CSMD1: variants seen among roughly 807,000 people sequenced by gnomAD.
CSMD1 encodes CUB and Sushi multiple domains 1, also known as CUB and sushi domain-containing protein 1.
In CSMD1, 213 loss-of-function variants were observed where a neutral mutation model predicts 417.5. The observed-to-expected ratio is 0.51, with a 90% CI of 0.46 to 0.57. The LOEUF (loss-of-function observed/expected upper bound fraction) is 0.57, where lower values mean the gene tolerates loss of function less well. CSMD1 is among the 20% of genes least tolerant of loss of function. CSMD1 has a pLI of 0.00. For synonymous variants in CSMD1, 2,862 were observed against 1,736.8 expected (o/e 1.65, Z -16.11); for missense variants, 6,923 against 4,529.7 (o/e 1.53, Z -15.17).
intron 7 of CSMD1, among the ~76,000 whole-genome samples, chr8:3,675,581 C>T (rs1054977049): frequency 4.0e-5 from 6 of 151,896 alleles, no homozygotes; most frequent in South Asian, 2.1e-4. Context: ...CATGCAGACA[C>T]GAGGGTTGAT....
chr8:4,447,163 T>G (rs565814747), intron 2 of CSMD1, among the ~76,000 whole-genome samples: 261 of 152,308 alleles, frequency 1.7e-3, no homozygotes, highest in African/African-American at 6.1e-3. Flanking sequence ...TTTAATAAAT[T>G]ATTGATCCCA....
intron 11 of CSMD1, among the ~76,000 whole-genome samples, chr8:3,478,891 G>T (rs1209529295): frequency 2.0e-5 from 3 of 152,150 alleles, no homozygotes; most frequent in Non-Finnish European, 2.9e-5. Flanking sequence ...GTCCCAGTAG[G>T]TGTGAGACTG....
At position 4,123,115 on chromosome 8, in the gene CSMD1, C is replaced by A. The variant is rs574904329; in HGVS notation, c.416-91016G>T. ...ATTGGAAAACAGAAAAATGATCCATCAGTACACAAAATAGGAAGATGAAGA... is the reference window on the plus strand; with the variant it reads ...ATTGGAAAACAGAAAAATGATCCATAAGTACACAAAATAGGAAGATGAAGA... On this transcript the variant is annotated intron_variant, in intron 3 of 69. Coordinates refer to ENST00000635120, the MANE Select transcript of CSMD1 (RefSeq NM_033225.6). Among the ~76,000 whole-genome samples, 23 of 152,306 alleles carry A rather than the reference C, an allele frequency of 1.5e-4. No homozygotes were observed. In the South Asian group the frequency reaches 4.4e-3, roughly 29 times the overall value.
chr8:3,246,331 T>G (rs1269028562), intron 26 of CSMD1, among the ~76,000 whole-genome samples: 3 of 152,158 alleles, frequency 2.0e-5, no homozygotes, highest in African/African-American at 7.2e-5. Flanking sequence ...AATGCTCCTT[T>G]ATCTGGTCTT....
chr8:4,275,529 G>T (rs76717890), intron 3 of CSMD1, among the ~76,000 whole-genome samples: 4,482 of 152,184 alleles, frequency 0.029, 227 homozygotes, highest in African/African-American at 0.1. Flanking sequence ...TTTTGTAACT[G>T]TTACACATTG....
At chr8:3,957,934 G>A (rs1812076609) in intron 5 of CSMD1, among the ~76,000 whole-genome samples, 1 of 152,126 alleles carries the variant, frequency 6.6e-6, no homozygotes. Context: ...TCTCAGGGCA[G>A]CAAATCCTGC....
intron 10 of CSMD1, among the ~76,000 whole-genome samples, chr8:3,544,495 C>A (rs1424008311): frequency 6.6e-6 from 1 of 152,120 alleles, no homozygotes; most frequent in Non-Finnish European, 1.5e-5. Context: ...TCCCAGTTGA[C>A]GTTCTGAATA....
At chr8:4,421,405 C>T (rs1485666945) in intron 2 of CSMD1, among the ~76,000 whole-genome samples, 2 of 152,056 alleles carry the variant, frequency 1.3e-5, no homozygotes, top group Admixed American at 6.6e-5. Context: ...GCCCACAGAA[C>T]ATATACCAAG....
At position 4,605,869 on chromosome 8, in the gene CSMD1, A is replaced by G. The variant is rs78204857; in HGVS notation, c.302+31473T>C. 3.9e-5 allele frequency among the ~76,000 whole-genome samples: 6 copies of G among 152,252 alleles called. No homozygotes were observed. In the East Asian group the frequency reaches 5.8e-4, roughly 15 times the overall value. On this transcript the variant is annotated intron_variant, in intron 2 of 69. Coordinates refer to ENST00000635120, the MANE Select transcript of CSMD1 (RefSeq NM_033225.6). ...AATTGCCGTGTCAAATTCCAGCCAA[A>G]TGAGGCTGGAGTAGAGACATTTGGA...
At chr8:4,395,515 G>C (rs761911096) in intron 3 of CSMD1, among the ~76,000 whole-genome samples, 23 of 150,902 alleles carry the variant, frequency 1.5e-4, no homozygotes, top group Non-Finnish European at 3.2e-4. Context: ...CCCTACACCA[G>C]TTCCCCACCT....
chr8:4,633,907 G>C (rs958079649), intron 2 of CSMD1, among the ~76,000 whole-genome samples: 2 of 151,714 alleles, frequency 1.3e-5, no homozygotes, highest in African/African-American at 2.4e-5. Context: ...TGACTGCATG[G>C]TTGGACCTTA....
intron 2 of CSMD1, among the ~76,000 whole-genome samples, chr8:4,479,879 T>A (rs111369536): frequency 6.6e-6 from 1 of 151,686 alleles, no homozygotes; most frequent in Non-Finnish European, 1.5e-5. Flanking sequence ...GGCAGGAGAA[T>A]TGCTTGAACC....
intron 50 of CSMD1, among the ~76,000 whole-genome samples, chr8:3,047,987 T>C (rs1288867669): frequency 6.6e-6 from 1 of 152,256 alleles, no homozygotes; most frequent in Non-Finnish European, 1.5e-5. Flanking sequence ...TTGTTCATTT[T>C]GTCAATCTGT....
intron 5 of CSMD1, among the ~76,000 whole-genome samples, chr8:3,813,823 C>G (rs541519694): frequency 1.3e-5 from 2 of 152,208 alleles, no homozygotes; most frequent in African/African-American, 2.4e-5. Context: ...TAAAGTATGT[C>G]TTCTTGAAAG....
chr8:4,055,109 CT>C (rs1798624516), intron 3 of CSMD1, among the ~76,000 whole-genome samples: 1 of 152,112 alleles, frequency 6.6e-6, no homozygotes, highest in Non-Finnish European at 1.5e-5. Context: ...TTTCTTTGAG[CT>C]TTGTGTAGTA....
Position 3,890,505 on chromosome 8 carries a change from C to A in CSMD1, c.818+107398G>T, listed in dbSNP as rs139221342. ...GAAAATGAAGGAAGGCATTGAGGCA[C>A]ACTTGCAGGACTCGGTGGGGAACAA... On this transcript the variant is annotated intron_variant, in intron 5 of 69. Transcript: ENST00000635120. 1.2e-3 allele frequency among the ~76,000 whole-genome samples: 178 copies of A among 151,940 alleles called. 5 individuals carry two copies. In the East Asian group the frequency reaches 0.031, roughly 26 times the overall value.
chr8:3,635,750 T>C (rs1010782781), intron 7 of CSMD1, among the ~76,000 whole-genome samples: 21 of 132,536 alleles, frequency 1.6e-4, no homozygotes, highest in Non-Finnish European at 2.6e-4. Flanking sequence ...CCCGAAGTGC[T>C]GGGATTACAG....
At chr8:4,450,689 G>C (rs1001696068) in intron 2 of CSMD1, among the ~76,000 whole-genome samples, 6 of 152,166 alleles carry the variant, frequency 3.9e-5, no homozygotes, top group East Asian at 3.9e-4. Context: ...TGTATCCAAT[G>C]TATAACACAT....
intron 2 of CSMD1, among the ~76,000 whole-genome samples, chr8:4,445,955 G>C (rs567342716): frequency 1.3e-5 from 2 of 152,216 alleles, no homozygotes; most frequent in South Asian, 4.1e-4. Context: ...TTTCGGTGTT[G>C]AGGTAGACGA....
Sources: allele counts gnomAD v4.1 joint callset (sites outside exome capture counted in the v4.1 genomes callset), GRCh38; gene constraint gnomAD v4.1.1; transcripts MANE v1.5; gene names NCBI Gene and HGNC (gene_info 2026-07-23, HGNC 2026-07-21).